Variants in NBAS observed in about 807,000 individuals in gnomAD.
NBAS encodes the protein NAG/BC035112 fusion.
Under a neutral mutation model 302.5 loss-of-function variants are expected in NBAS, and 219 were observed. That is an observed-to-expected ratio of 0.72 (90% CI 0.65 to 0.81). The LOEUF (loss-of-function observed/expected upper bound fraction) is 0.81, where lower values mean the gene tolerates loss of function less well. Ranked by LOEUF, NBAS falls within the 30% of genes least tolerant of loss-of-function variation. The pLI, the probability that NBAS is intolerant of heterozygous loss-of-function variation, is 0.00. For missense variants in NBAS, 2,932 were observed against 2,841.6 expected, an observed-to-expected ratio of 1.03 and a Z score of -0.72; for synonymous variants, 1,118 against 1,021.6, an observed-to-expected ratio of 1.09 and a Z score of -1.80.
At chr2:14,945,717 G>A in the NBAS span, among the ~76,000 whole-genome samples, 2 of 152,186 alleles carry the variant, frequency 1.3e-5, no homozygotes, top group African/African-American at 4.8e-5. Flanking sequence ...TTGAAGACAG[G>A]CTACTTCAAA....
chr2:15,355,850 C>T (rs1327583443), intron 33 of NBAS, among the ~76,000 whole-genome samples: 1 of 152,090 alleles, frequency 6.6e-6, no homozygotes, highest in Non-Finnish European at 1.5e-5. Flanking sequence ...CCGATTAAAC[C>T]TCTTTCCTTT....
intron 41 of NBAS, 124 bp from the exon 42 acceptor site, chr2:15,287,307 A>G: frequency 2.7e-6 from 2 of 739,638 alleles, no homozygotes; most frequent in Non-Finnish European, 4.8e-6. Flanking sequence ...GGTCCTTAAT[A>G]AGACAGTTCA....
intron 12 of NBAS, among the ~76,000 whole-genome samples, chr2:15,485,586 C>T (rs1212848084): frequency 6.6e-6 from 1 of 152,200 alleles, no homozygotes; most frequent in South Asian, 2.1e-4. Context: ...GGACAAAGTG[C>T]TCAATAAATA....
At chr2:15,381,440 C>T (rs148297005) in intron 29 of NBAS, among the ~76,000 whole-genome samples, 33 of 152,068 alleles carry the variant, frequency 2.2e-4, no homozygotes, top group African/African-American at 7.7e-4. Flanking sequence ...AAGGGAGACC[C>T]GTGGACAGAA....
the NBAS span, among the ~76,000 whole-genome samples, chr2:14,866,950 C>T: frequency 4.6e-5 from 7 of 152,238 alleles, no homozygotes; most frequent in East Asian, 1.9e-4. Context: ...GATCTAACTG[C>T]GACACTGAGT....
At chr2:15,560,382 C>T (rs1664854703) in intron 1 of NBAS, among the ~76,000 whole-genome samples, 1 of 152,138 alleles carries the variant, frequency 6.6e-6, no homozygotes, top group Non-Finnish European at 1.5e-5. Context: ...ACCTCTATAA[C>T]CCTTCTGTAG....
chr2:15,363,093 G>A (rs1287457832), intron 32 of NBAS, among the ~76,000 whole-genome samples: 6 of 152,120 alleles, frequency 3.9e-5, no homozygotes, highest in Non-Finnish European at 4.4e-5. Flanking sequence ...AGAAAAAAAA[G>A]AAAGAGCTGG....
chr2:15,505,173 C>A (rs1470335913), intron 10 of NBAS, among the ~76,000 whole-genome samples: 1 of 152,188 alleles, frequency 6.6e-6, no homozygotes, highest in Non-Finnish European at 1.5e-5. Context: ...TATGTCCCCA[C>A]TTACTCCATT....
chr2:15,098,988 C>CAT, the NBAS span, among the ~76,000 whole-genome samples: 1 of 151,454 alleles, frequency 6.6e-6, no homozygotes, highest in African/African-American at 2.4e-5. Context: ...CACACACACA[C>CAT]ATATATACAC....
At chr2:15,059,749 A>T in the NBAS span, among the ~76,000 whole-genome samples, 1 of 152,166 alleles carries the variant, frequency 6.6e-6, no homozygotes, top group Admixed American at 6.5e-5. Context: ...AGATACTGGG[A>T]CAAGAGAAGA....
chr2:15,141,179 C>T, the NBAS span, among the ~76,000 whole-genome samples: 4 of 152,064 alleles, frequency 2.6e-5, no homozygotes, highest in African/African-American at 7.2e-5. Flanking sequence ...CCCCCTCTCT[C>T]TCCCTCCCTC....
At chr2:14,805,601 A>T in the NBAS span, among the ~76,000 whole-genome samples, 2 of 152,226 alleles carry the variant, frequency 1.3e-5, no homozygotes. Flanking sequence ...GGAGACAAGA[A>T]GAGGAGTAAG....
At chr2:14,930,303 C>G in the NBAS span, among the ~76,000 whole-genome samples, 1 of 152,158 alleles carries the variant, frequency 6.6e-6, no homozygotes. Flanking sequence ...GAAAAATGGA[C>G]CATGCTATAC....
chr2:15,351,212 G>A (rs1558261308), intron 35 of NBAS, among the ~76,000 whole-genome samples: 1 of 152,092 alleles, frequency 6.6e-6, no homozygotes, highest in Non-Finnish European at 1.5e-5. Context: ...ATAACACTAA[G>A]TATAACTATT....
intron 41 of NBAS, among the ~76,000 whole-genome samples, chr2:15,291,776 G>A (rs759739196): frequency 6.6e-6 from 1 of 152,108 alleles, no homozygotes; most frequent in Non-Finnish European, 1.5e-5. Context: ...AAAGTGCCAT[G>A]TGCTTTGAAA....
chr2:15,218,815 A>T lies in NBAS; in HGVS notation c.6390T>A (p.Phe2130Leu). The T allele has an allele frequency of 6.2e-7, 1 of 1,614,228 alleles. No homozygotes were observed. Among genetic ancestry groups the T allele is most frequent in the Non-Finnish European group, 8.5e-7 (1 of 1,180,030 alleles). ...TEEDSKLLVF[F>L]RTEAILKASW... Reference sequence around the variant, plus strand: ...AGGCTTTGAGAATGGCTTCAGTTCTAAAGAACACGAGGAGCTTGCTGTCCT... The same window carrying T: ...AGGCTTTGAGAATGGCTTCAGTTCTTAAGAACACGAGGAGCTTGCTGTCCT... Residue 2130 changes from phenylalanine (F) to leucine (L), a missense_variant, in exon 48 of 52, where the codon TTT becomes TTA. Coordinates refer to ENST00000281513, the MANE Select transcript of NBAS (RefSeq NM_015909.4).
chr2:15,322,985 T>C (rs1397073972), intron 38 of NBAS, among the ~76,000 whole-genome samples: 8 of 152,256 alleles, frequency 5.3e-5, no homozygotes, highest in Admixed American at 5.2e-4. Flanking sequence ...TTTTTTAATA[T>C]AAATTGTAAG....
chr2:15,044,827 C>T, the NBAS span, among the ~76,000 whole-genome samples: 1 of 152,186 alleles, frequency 6.6e-6, no homozygotes, highest in South Asian at 2.1e-4. Context: ...CATTATTTTT[C>T]ACTGAAAGGC....
chr2:15,138,427 G>T, the NBAS span, among the ~76,000 whole-genome samples: 1 of 152,144 alleles, frequency 6.6e-6, no homozygotes, highest in Non-Finnish European at 1.5e-5. Context: ...CATGTCCTCA[G>T]ATCAGCCTCA....
Sources: allele counts gnomAD v4.1 joint callset (sites outside exome capture counted in the v4.1 genomes callset), GRCh38; gene constraint gnomAD v4.1.1; transcripts MANE v1.5; gene names NCBI Gene and HGNC (gene_info 2026-07-23, HGNC 2026-07-21).